Variants in EYA2 observed in about 807,000 individuals in gnomAD.
EYA2 encodes the protein protein phosphatase EYA2.
Under a neutral mutation model 69.2 loss-of-function variants are expected in EYA2, and 31 were observed. The ratio of observed to expected loss-of-function variants is 0.45; its 90% CI spans 0.34 to 0.60. The LOEUF is 0.60. EYA2 is among the 20% of genes least tolerant of loss of function. The pLI is 0.02. For synonymous variants in EYA2, 257 were observed against 279.4 expected, an observed-to-expected ratio of 0.92 and a Z score of 0.80; for missense variants, 622 against 701.2, an observed-to-expected ratio of 0.89 and a Z score of 1.28.
chr20:47,044,910 A>G (rs968049400), intron 5 of EYA2, among the ~76,000 whole-genome samples: 4 of 152,162 alleles, frequency 2.6e-5, no homozygotes, highest in African/African-American at 9.7e-5. Context: ...TAGAGAGAGA[A>G]AACAATACTA....
chr20:47,173,825 A>C (rs912888743), intron 12 of EYA2, among the ~76,000 whole-genome samples: 1 of 152,160 alleles, frequency 6.6e-6, no homozygotes, highest in African/African-American at 2.4e-5. Context: ...CATTGGAACC[A>C]CCCAGGGAGT....
intron 1 of EYA2, among the ~76,000 whole-genome samples, chr20:46,987,447 C>T (rs760831690): frequency 6.0e-4 from 91 of 152,190 alleles, no homozygotes; most frequent in Non-Finnish European, 1.2e-3. Flanking sequence ...TAAAGCACTA[C>T]ATAGTCTGAG....
chr20:47,170,408 A>G (rs2034293844), intron 11 of EYA2, among the ~76,000 whole-genome samples: 1 of 151,864 alleles, frequency 6.6e-6, no homozygotes. Context: ...GCACTTTGGG[A>G]GGCCAAGGCG....
chr20:47,008,349 C>T (rs1238427336), intron 4 of EYA2, among the ~76,000 whole-genome samples: 1 of 152,192 alleles, frequency 6.6e-6, no homozygotes, highest in Admixed American at 6.5e-5. Flanking sequence ...GCCCAGGCAG[C>T]CTGGCTCTGG....
chr20:47,077,578 T>G (rs566783395), intron 7 of EYA2, among the ~76,000 whole-genome samples: 1 of 152,326 alleles, frequency 6.6e-6, no homozygotes, highest in Admixed American at 6.5e-5. Flanking sequence ...GTTTTGTTCC[T>G]GGGGTTCTTG....
intron 12 of EYA2, 40 bp from the exon 13 acceptor site, chr20:47,179,758 T>C: frequency 6.9e-7 from 1 of 1,450,088 alleles, no homozygotes; most frequent in Non-Finnish European, 9.6e-7. Flanking sequence ...CCCAGATCTT[T>C]CTAATACGAT....
intron 1 of EYA2, among the ~76,000 whole-genome samples, chr20:46,947,048 G>A (rs1447654252): frequency 6.6e-6 from 1 of 152,234 alleles, no homozygotes; most frequent in African/African-American, 2.4e-5. Flanking sequence ...GCAGAGCTGA[G>A]AAGTGGCGTC....
Position 47,007,723 on chromosome 20 carries a change from C to T in EYA2, c.298+2639C>T, listed in dbSNP as rs191573472. On this transcript the variant is annotated intron_variant, in intron 4 of 15. Coordinates refer to ENST00000327619, the MANE Select transcript of EYA2 (RefSeq NM_005244.5). ...CTCCACCTCCCAGGCTCAAGCAATC[C>T]TCCTCCCTCACCCTCATGAGTAGCT... Among the ~76,000 whole-genome samples the T allele has an allele frequency of 2.7e-3, 418 of 152,180 alleles. 2 individuals carry two copies. The highest frequency in any genetic ancestry group is 5.6e-3 in the Admixed American group (85 of 15,288).
At chr20:47,171,913 G>A (rs1329010632) in intron 11 of EYA2, among the ~76,000 whole-genome samples, 1 of 152,106 alleles carries the variant, frequency 6.6e-6, no homozygotes, top group African/African-American at 2.4e-5. Flanking sequence ...CCAACATGGT[G>A]AAACCCTGTC....
intron 9 of EYA2, among the ~76,000 whole-genome samples, chr20:47,109,689 A>G (rs13044741): frequency 0.49 from 74,177 of 151,964 alleles, 18,653 homozygotes; most frequent in East Asian, 0.64. Context: ...TGCCTGCACT[A>G]TGGTTTTAGA....
At chr20:47,122,289 G>GTTTTTTTT (rs1180670988) in intron 9 of EYA2, among the ~76,000 whole-genome samples, 9 of 110,850 alleles carry the variant, frequency 8.1e-5, no homozygotes, top group African/African-American at 2.8e-4. Flanking sequence ...TATTTTCTTG[G>GTTTTTTTT]TTTTTTTTTT....
chr20:46,970,954 A>T lies in EYA2; in HGVS notation c.-10-19047A>T, dbSNP rs564927231. Among the ~76,000 whole-genome samples the T allele has an allele frequency of 2.6e-5, 4 of 151,740 alleles. No individual in the cohort carries two copies. The South Asian group carries it at 8.4e-4, about 32-fold the overall frequency. On this transcript the variant is annotated intron_variant, in intron 1 of 15. Coordinates refer to ENST00000327619, the MANE Select transcript of EYA2 (RefSeq NM_005244.5). ...TTGCTTCAAAATACTATGACGGGGG[A>T]AATAGATGGAGTGGAAATGGGGCAG...
At chr20:46,924,669 CAAA>C (rs10568771) in intron 1 of EYA2, among the ~76,000 whole-genome samples, 7 of 88,360 alleles carry the variant, frequency 7.9e-5, no homozygotes, top group African/African-American at 2.3e-4. Flanking sequence ...GACTCCATCT[CAAA>C]AAAAAAAAAA....
At chr20:47,062,605 C>T (rs1297220586) in intron 5 of EYA2, among the ~76,000 whole-genome samples, 2 of 152,084 alleles carry the variant, frequency 1.3e-5, no homozygotes, top group Admixed American at 1.3e-4. Context: ...TTGAAGATCC[C>T]AAATCTCACC....
At chr20:47,026,258 A>G (rs1984077166) in intron 5 of EYA2, among the ~76,000 whole-genome samples, 1 of 152,226 alleles carries the variant, frequency 6.6e-6, no homozygotes, top group Non-Finnish European at 1.5e-5. Flanking sequence ...CATTCCTACT[A>G]CCAGAAAACA....
At chr20:47,115,919 T>C (rs1374627731) in intron 9 of EYA2, among the ~76,000 whole-genome samples, 2 of 152,164 alleles carry the variant, frequency 1.3e-5, no homozygotes, top group Admixed American at 1.3e-4. Flanking sequence ...AGCCTCCTGC[T>C]CACATGCACT....
At chr20:47,169,774 T>C (rs1306237847) in intron 11 of EYA2, among the ~76,000 whole-genome samples, 1 of 152,226 alleles carries the variant, frequency 6.6e-6, no homozygotes, top group Non-Finnish European at 1.5e-5. Flanking sequence ...GGTCCGGAGA[T>C]GTTATAACCA....
At chr20:46,974,489 T>C (rs1980334595) in intron 1 of EYA2, among the ~76,000 whole-genome samples, 1 of 152,122 alleles carries the variant, frequency 6.6e-6, no homozygotes, top group Non-Finnish European at 1.5e-5. Context: ...TGAAGGGTAA[T>C]GTTGCTGGTG....
At chr20:47,128,069 C>CT (rs1475029386) in intron 9 of EYA2, among the ~76,000 whole-genome samples, 1 of 152,126 alleles carries the variant, frequency 6.6e-6, no homozygotes, top group African/African-American at 2.4e-5. Flanking sequence ...AAGACATGGG[C>CT]TACAAGTAAG....
Sources: allele counts gnomAD v4.1 joint callset (sites outside exome capture counted in the v4.1 genomes callset), GRCh38; gene constraint gnomAD v4.1.1; transcripts MANE v1.5; gene names NCBI Gene and HGNC (gene_info 2026-07-23, HGNC 2026-07-21).